Variants in ATG16L1 observed in about 807,000 individuals in gnomAD.
The protein encoded by ATG16L1 is autophagy-related protein 16-1.
A neutral mutation model predicts 88.5 loss-of-function variants in ATG16L1; 37 were observed. The ratio of observed to expected loss-of-function variants is 0.42; its 90% confidence interval spans 0.32 to 0.55. ATG16L1 has a LOEUF of 0.55. ATG16L1 is among the 20% of genes least tolerant of loss of function. The probability of loss-of-function intolerance (pLI) is 0.13; values close to 1 mark genes in which losing one functional copy is unlikely to be tolerated. For synonymous variants in ATG16L1, 301 were observed against 281.0 expected (o/e 1.07, Z -0.71); for missense variants, 554 against 752.8 (o/e 0.74, Z 3.09).
rs1444010194 is a variant in ATG16L1, at chr2:233,273,039, A to G, written c.781A>G (p.Ser261Gly). ...AGAGACCTCTCCTGTGCGAGCCATCAGCAGAGCAGCCACGTAAGTAGGCAG... is the reference window on the plus strand; with the variant it reads ...AGAGACCTCTCCTGTGCGAGCCATCGGCAGAGCAGCCACGTAAGTAGGCAG... Reference protein sequence around the residue: ...TEETSPVRAISRAATKRLSQP... With the variant: ...TEETSPVRAIGRAATKRLSQP... Residue 261 changes from serine to glycine, a missense_variant, in exon 7 of 18, where the codon AGC becomes GGC. Physicochemically the swap from Ser to Gly is moderately conservative, Grantham distance 56. Transcript: ENST00000392017. 1.9e-6 allele frequency: 3 copies of G among 1,614,126 alleles called. No individual in the cohort carries two copies. Among genetic ancestry groups the G allele is most frequent in the Admixed American group, 1.7e-5 (1 of 60,022 alleles).
intron 10 of ATG16L1, among the ~76,000 whole-genome samples, chr2:233,278,580 A>C (rs1324245345): frequency 1.3e-5 from 2 of 152,214 alleles, no homozygotes; most frequent in Non-Finnish European, 2.9e-5. Flanking sequence ...CGTGATTTAC[A>C]TGGCTAGTGA....
chr2:233,275,892 A>G (rs200060663), intron 9 of ATG16L1: 84 of 519,214 alleles, frequency 1.6e-4, no homozygotes, highest in Non-Finnish European at 3.0e-4. Context: ...TGTTTCTGAG[A>G]GTGATCGGCT....
chr2:233,293,389 C>T lies in ATG16L1; in HGVS notation c.1730+32C>T, dbSNP rs569331073. Reference sequence around the variant, plus strand: ...TGAACCCTGTCTCAGCCCCCCGTTGCGTTGTGAGCAAGGCCTTTGACTTCA... The same window carrying T: ...TGAACCCTGTCTCAGCCCCCCGTTGTGTTGTGAGCAAGGCCTTTGACTTCA... On this transcript the variant is annotated intron_variant, in intron 17 of 17. Coordinates refer to ENST00000392017, the MANE Select transcript of ATG16L1 (RefSeq NM_030803.7). 2.1e-4 allele frequency: 341 copies of T among 1,587,242 alleles called. 7 individuals are homozygous for T. The South Asian group carries it at 3.4e-3, about 16-fold the overall frequency.
chr2:233,269,131 G>C (rs1474686530), intron 5 of ATG16L1, among the ~76,000 whole-genome samples: 1 of 152,184 alleles, frequency 6.6e-6, no homozygotes, highest in African/African-American at 2.4e-5. Flanking sequence ...ATTTGTCACA[G>C]CCAAGACTTC....
chr2:233,292,114 G>T lies in ATG16L1; in HGVS notation c.1431-14G>T. ...GGCCTACGTTACATTTCTCAGATCT[G>T]TTCTCCCTCTTAGATCAGAGAGCAT... On this transcript the variant is annotated splice_polypyrimidine_tract_variant and intron_variant, in intron 14 of 17. Coordinates refer to ENST00000392017, the MANE Select transcript of ATG16L1 (RefSeq NM_030803.7). The T allele has an allele frequency of 6.2e-7, 1 of 1,613,852 alleles. No homozygotes were observed. Among genetic ancestry groups the T allele is most frequent in the Non-Finnish European group, 8.5e-7 (1 of 1,179,858 alleles).
chr2:233,283,672 T>C (rs1698875665), intron 12 of ATG16L1, among the ~76,000 whole-genome samples: 1 of 151,938 alleles, frequency 6.6e-6, no homozygotes, highest in Non-Finnish European at 1.5e-5. Flanking sequence ...TGCCTCAGCC[T>C]CCTGAGTAGC....
chr2:233,252,437 AGTGGCG>A (rs1454561097), intron 1 of ATG16L1, among the ~76,000 whole-genome samples: 2 of 152,002 alleles, frequency 1.3e-5, no homozygotes, highest in Non-Finnish European at 2.9e-5. Flanking sequence ...CCTGGAGTGC[AGTGGCG>A]GAGATCACGG....
intron 6 of ATG16L1, 23 bp from the exon 7 acceptor site, chr2:233,272,943 G>T: frequency 1.9e-6 from 3 of 1,602,758 alleles, no homozygotes; most frequent in African/African-American, 1.3e-5. Context: ...GAGAATCAAA[G>T]AATGTCTTGC....
At position 233,294,386 on chromosome 2, in the gene ATG16L1, C is replaced by T. The variant is rs35095311; in HGVS notation, c.*36C>T. On this transcript the variant is annotated 3_prime_UTR_variant, in exon 18 of 18. Transcript: ENST00000392017. ...AGGGCTGGGAGGACCCCAGTGCCCT[C>T]CTCAGAAGAAGCACATGGGCTCCTG... 7.9e-5 allele frequency: 123 copies of T among 1,563,420 alleles called. No individual in the cohort carries two copies. Among genetic ancestry groups the T allele is most frequent in the Middle Eastern group, 3.4e-4 (2 of 5,962 alleles).
intron 12 of ATG16L1, among the ~76,000 whole-genome samples, chr2:233,286,770 C>T (rs1453285501): frequency 1.3e-5 from 2 of 151,628 alleles, no homozygotes; most frequent in Admixed American, 6.6e-5. Context: ...GGACTACAGG[C>T]GCCCGCCACC....
rs941785450 is a variant in ATG16L1 at position 233,272,966 on chromosome 2, G to A, written c.708G>A (p.Gln236=). The A allele has an allele frequency of 3.7e-6, 6 of 1,613,284 alleles. No homozygotes were observed. The highest frequency in any genetic ancestry group is 2.2e-5 in the East Asian group (1 of 44,882). ...EAAKEPLPVE[Q]DDDIEVIVDE... ...AAGAATGTCTTGCCTTTCTTTCCAG[G>A]GATGATGACATTGAGGTCATTGTGG... The change falls in exon 7 of 18, where the codon CAG becomes CAA. Residue 236 remains glutamine (Q), a splice_region_variant and synonymous_variant. Transcript: ENST00000392017.
At chr2:233,293,479 G>C (rs577640000) in intron 17 of ATG16L1, 122 bp downstream of exon 17, 2 of 867,084 alleles carry the variant, frequency 2.3e-6, no homozygotes, top group Admixed American at 2.0e-5. Context: ...CCACCTGCTC[G>C]GCTGGCTGAG....
chr2:233,287,308 A>G (rs959263259), intron 12 of ATG16L1, among the ~76,000 whole-genome samples: 2 of 152,196 alleles, frequency 1.3e-5, no homozygotes, highest in Admixed American at 1.3e-4. Flanking sequence ...ATTTTTAGGA[A>G]GAGTATAATT....
At chr2:233,264,294 G>C (rs1559383892) in intron 4 of ATG16L1, among the ~76,000 whole-genome samples, 1 of 152,186 alleles carries the variant, frequency 6.6e-6, no homozygotes, top group Non-Finnish European at 1.5e-5. Flanking sequence ...TGTCACCTTG[G>C]CTCTTGCAAG....
intron 1 of ATG16L1, among the ~76,000 whole-genome samples, chr2:233,255,518 T>A (rs13388025): frequency 0.18 from 27,195 of 152,204 alleles, 2,721 homozygotes; most frequent in African/African-American, 0.27. Flanking sequence ...TTTTATTTAA[T>A]CATTGCCAGT....
At position 233,263,232 on chromosome 2, in the gene ATG16L1, G is replaced by A. The variant is rs750674739; in HGVS notation, c.312G>A (p.Gly104=). Residue 104 remains glycine (G), a synonymous_variant, in exon 3 of 18, where the codon GGG becomes GGA. Transcript: ENST00000392017. ...EELTELHKKR[G]ELAQLVIDLN... is the part of the protein sequence containing the mutation. ...TGACTGAATTACACAAGAAACGTGG[G>A]GAGGTAAAGCTAGCCCTTTTCCTCA... 6.2e-7 allele frequency: 1 copy of A among 1,613,486 alleles called. No homozygotes were observed. Among genetic ancestry groups the A allele is most frequent in the Non-Finnish European group, 8.5e-7 (1 of 1,179,598 alleles).
intron 10 of ATG16L1, among the ~76,000 whole-genome samples, chr2:233,279,704 A>G (rs568044493): frequency 1.4e-4 from 22 of 152,168 alleles, no homozygotes; most frequent in Non-Finnish European, 2.8e-4. Context: ...CATTTTCTCC[A>G]AAGCAGAAGT....
chr2:233,258,027 ATC>A (rs57683610), intron 2 of ATG16L1, among the ~76,000 whole-genome samples: 1,700 of 86,710 alleles, frequency 0.02, 24 homozygotes, highest in Admixed American at 0.035. Flanking sequence ...ATATCTATAT[ATC>A]TATATATCTA....
chr2:233,254,585 G>C (rs536939581), intron 1 of ATG16L1, among the ~76,000 whole-genome samples: 27 of 152,280 alleles, frequency 1.8e-4, no homozygotes, highest in African/African-American at 5.3e-4. Context: ...CCTTTGGGAA[G>C]GACTCCTTTT....
Sources: gnomAD v4.1 joint callset for allele counts (sites outside exome capture counted in the v4.1 genomes callset) on GRCh38, gnomAD v4.1.1 for gene constraint, MANE v1.5 for transcripts, NCBI Gene and HGNC (gene_info 2026-07-23, HGNC 2026-07-21) for gene names.